The following ABI2 variants were observed in gnomAD, a reference collection of about 807,000 sequenced individuals.
The protein encoded by ABI2 is abelson interactor 2.
In ABI2, 25 loss-of-function variants were observed where a neutral mutation model predicts 59.2. The observed-to-expected ratio is 0.42, with a 90% confidence interval of 0.31 to 0.59. ABI2 has a LOEUF of 0.59. Ranked by LOEUF, ABI2 falls within the 20% of genes least tolerant of loss-of-function variation. The probability of loss-of-function intolerance (pLI) is 0.14; values close to 1 mark genes in which losing one functional copy is unlikely to be tolerated. For missense variants in ABI2, 545 were observed against 681.8 expected (o/e 0.80, Z 2.23); for synonymous variants, 213 against 235.5 (o/e 0.90, Z 0.87).
At chr2:203,372,136 G>C (rs997729134) in intron 2 of ABI2, among the ~76,000 whole-genome samples, 2 of 151,812 alleles carry the variant, frequency 1.3e-5, no homozygotes, top group African/African-American at 4.8e-5. Flanking sequence ...GACTCTTAAC[G>C]AGCATGCTGC....
intron 1 of ABI2, among the ~76,000 whole-genome samples, chr2:203,338,557 C>T (rs958576026): frequency 2.0e-5 from 3 of 151,966 alleles, no homozygotes; most frequent in Admixed American, 6.6e-5. Flanking sequence ...TACACCTCAC[C>T]AGAAGTACGT....
At chr2:203,380,935 T>G (rs2096077709) in intron 3 of ABI2, among the ~76,000 whole-genome samples, 1 of 152,178 alleles carries the variant, frequency 6.6e-6, no homozygotes, top group Non-Finnish European at 1.5e-5. Flanking sequence ...TAAGATGTAT[T>G]TGGGTGCCTA....
intron 1 of ABI2, among the ~76,000 whole-genome samples, chr2:203,348,088 A>C (rs536913176): frequency 6.6e-6 from 1 of 152,130 alleles, no homozygotes; most frequent in African/African-American, 2.4e-5. Context: ...TAAAAATACA[A>C]AAGTTAGCTG....
At chr2:203,372,081 C>T (rs866759849) in intron 2 of ABI2, among the ~76,000 whole-genome samples, 1 of 151,838 alleles carries the variant, frequency 6.6e-6, no homozygotes, top group African/African-American at 2.4e-5. Context: ...TGCGGCCTTC[C>T]GCAGTGTTTG....
chr2:203,365,950 A>T (rs539192626), intron 1 of ABI2, among the ~76,000 whole-genome samples: 1 of 152,054 alleles, frequency 6.6e-6, no homozygotes. Context: ...CTTAATGCTT[A>T]CAGGACTTTA....
chr2:203,356,753 G>A (rs1319336754), intron 1 of ABI2, among the ~76,000 whole-genome samples: 1 of 152,004 alleles, frequency 6.6e-6, no homozygotes, highest in Non-Finnish European at 1.5e-5. Flanking sequence ...TTCCTGCCTC[G>A]ACCTCCCAGA....
At chr2:203,392,305 CCACCACCACCAACAACAACAACAACAA>C (rs1375427033) in intron 5 of ABI2, among the ~76,000 whole-genome samples, 3 of 97,894 alleles carry the variant, frequency 3.1e-5, no homozygotes, top group Admixed American at 1.1e-4. Flanking sequence ...ACCACCACCA[CCACCACCACCAACAACAACAACAACAA>C]CAACAACAAC....
At position 203,401,492 on chromosome 2, in the gene ABI2, G is replaced by A. The variant is rs145042404; in HGVS notation, c.1034-1084G>A. Among the ~76,000 whole-genome samples the A allele has an allele frequency of 7.9e-5, 12 of 152,234 alleles. No homozygotes were observed. The East Asian group carries it at 2.1e-3, about 27-fold the overall frequency. Reference sequence around the variant, plus strand: ...CAGTCAAGGTAAAGTTTAGGGAGTGGATTATATTATTAGGAAACTGATGGA... The same window carrying A: ...CAGTCAAGGTAAAGTTTAGGGAGTGAATTATATTATTAGGAAACTGATGGA... On this transcript the variant is annotated intron_variant, in intron 8 of 11. Transcript: ENST00000261018.
chr2:203,421,964 CAAAA>C (rs35435663), intron 11 of ABI2, among the ~76,000 whole-genome samples: 88 of 102,594 alleles, frequency 8.6e-4, no homozygotes, highest in South Asian at 1.3e-3. Flanking sequence ...GACTCTGTCT[CAAAA>C]AAAAAAAAAA....
intron 1 of ABI2, among the ~76,000 whole-genome samples, chr2:203,334,710 G>A (rs1442370206): frequency 6.6e-6 from 1 of 151,608 alleles, no homozygotes; most frequent in Non-Finnish European, 1.5e-5. Flanking sequence ...GCCCAGGCTG[G>A]AGTACAGTGG....
intron 11 of ABI2, among the ~76,000 whole-genome samples, chr2:203,418,669 C>T (rs1008127616): frequency 6.6e-6 from 1 of 152,302 alleles, no homozygotes; most frequent in South Asian, 2.1e-4. Context: ...AACCCAGCAG[C>T]GATGACCTGT....
chr2:203,367,193 C>T, intron 2 of ABI2, 149 bp downstream of exon 2: 1 of 1,136,262 alleles, frequency 8.8e-7, no homozygotes, highest in Non-Finnish European at 1.1e-6. Flanking sequence ...TTTTTAGATT[C>T]TGTCTTTTTG....
At chr2:203,394,368 A>T in intron 5 of ABI2, 1 of 203,310 alleles carries the variant, frequency 4.9e-6, no homozygotes, top group East Asian at 1.3e-4. Flanking sequence ...CTTTAATATG[A>T]TACTAAAAGA....
chr2:203,382,293 C>T, intron 4 of ABI2, 87 bp downstream of exon 4: 9 of 1,108,254 alleles, frequency 8.1e-6, no homozygotes, highest in Non-Finnish European at 1.1e-5. Context: ...TAACTCTTGG[C>T]CTTTTAAAAC....
In ABI2 at chr2:203,384,508, C is replaced by T. The variant is rs144985351; in HGVS notation, c.480+2302C>T. On this transcript the variant is annotated intron_variant, in intron 4 of 11. Coordinates refer to ENST00000261018, the MANE Select transcript of ABI2 (RefSeq NM_001375670.1). ...AATTTTTTGTAGAGATGGGGTCTCA[C>T]TGTGTTGGCCTGGCTGGTCTCGAAC... Among the ~76,000 whole-genome samples, 98 of 151,906 alleles carry T rather than the reference C, an allele frequency of 6.5e-4. 1 individual carries two copies. The highest frequency in any genetic ancestry group is 3.4e-3 in the Middle Eastern group (1 of 294).
chr2:203,407,070 T>C (rs994181410), intron 9 of ABI2, among the ~76,000 whole-genome samples: 2 of 152,214 alleles, frequency 1.3e-5, no homozygotes, highest in Non-Finnish European at 2.9e-5. Context: ...ACTGTCTTTC[T>C]TGGAGTTGAG....
chr2:203,375,767 T>TA (rs1460225062), intron 2 of ABI2, among the ~76,000 whole-genome samples: 2 of 152,158 alleles, frequency 1.3e-5, no homozygotes, highest in African/African-American at 4.8e-5. Context: ...GTGAAAGCTA[T>TA]AAAAAAATTG....
intron 8 of ABI2, among the ~76,000 whole-genome samples, chr2:203,398,528 A>G (rs1214126873): frequency 6.6e-6 from 1 of 152,230 alleles, no homozygotes; most frequent in Admixed American, 6.5e-5. Flanking sequence ...TACCTGAGTT[A>G]CCAAGCAATT....
intron 11 of ABI2, among the ~76,000 whole-genome samples, chr2:203,421,114 G>T (rs888033311): frequency 2.6e-5 from 4 of 152,136 alleles, no homozygotes; most frequent in Non-Finnish European, 4.4e-5. Context: ...TTTTAAAAAG[G>T]TTAATGATAA....
Sources: gnomAD v4.1 joint callset for allele counts (sites outside exome capture counted in the v4.1 genomes callset) on GRCh38, gnomAD v4.1.1 for gene constraint, MANE v1.5 for transcripts, NCBI Gene and HGNC (gene_info 2026-07-23, HGNC 2026-07-21) for gene names.